GNAI2: variants seen among roughly 807,000 people sequenced by gnomAD.
GNAI2 encodes guanine nucleotide-binding protein G(i) subunit alpha-2.
A neutral mutation model predicts 36.8 loss-of-function variants in GNAI2; 4 were observed. The observed-to-expected ratio is 0.11, with a 90% CI of 0.05 to 0.25. The LOEUF is 0.25. GNAI2 is among the 10% of genes least tolerant of loss of function. GNAI2 has a pLI of 1.00. For synonymous variants in GNAI2, 194 were observed against 194.1 expected (o/e 1.00, Z 0.01); for missense variants, 230 against 481.3 (o/e 0.48, Z 4.89).
intron 1 of GNAI2, among the ~76,000 whole-genome samples, chr3:50,248,959 C>T (rs1700483930): frequency 6.6e-6 from 1 of 152,064 alleles, no homozygotes; most frequent in African/African-American, 2.4e-5. Flanking sequence ...AAGTTTGCAC[C>T]CTCGTCCCTG....
chr3:50,256,411 A>G (rs1432927461), intron 5 of GNAI2, 91 bp downstream of exon 5: 2 of 1,252,394 alleles, frequency 1.6e-6, no homozygotes, highest in South Asian at 1.2e-5. Flanking sequence ...CCCCAGCCCC[A>G]CTGAGGTTTT....
At chr3:50,231,412 G>A (rs1273555898), upstream of GNAI2, among the ~76,000 whole-genome samples, 7 of 152,168 alleles carry the variant, frequency 4.6e-5, no homozygotes, top group Non-Finnish European at 7.3e-5. Flanking sequence ...GCAAGTAGCC[G>A]GGATTACAGG....
At chr3:50,248,574 C>T (rs782647997) in intron 1 of GNAI2, among the ~76,000 whole-genome samples, 10 of 152,100 alleles carry the variant, frequency 6.6e-5, no homozygotes, top group Non-Finnish European at 1.3e-4. Flanking sequence ...GCCTCTGTCC[C>T]GTTGTTCCCC....
In GNAI2 at chr3:50,236,485, T is replaced by G; in HGVS notation, c.118+32T>G. ...CCGCGTCCCGCACTGGGATCCTTGA[T>G]TCCCAGCTCGAATCCCCAGACAAGG... On this transcript the variant is annotated intron_variant, in intron 1 of 8. Transcript: ENST00000313601. The surrounding 1 kb of genome is among the most constrained non-coding windows in gnomAD (Gnocchi z 4.0). 7 of 1,559,440 alleles carry G rather than the reference T, an allele frequency of 4.5e-6. No homozygotes were observed. The highest frequency in any genetic ancestry group is 6.0e-6 in the Non-Finnish European group (7 of 1,158,130).
At chr3:50,247,797 A>G (rs1198650826) in intron 1 of GNAI2, among the ~76,000 whole-genome samples, 3 of 152,244 alleles carry the variant, frequency 2.0e-5, no homozygotes, top group African/African-American at 7.2e-5. Context: ...TGGGAATGCC[A>G]AGGCCACCCC....
At position 50,241,410 on chromosome 3, in the gene GNAI2, C is replaced by G. The variant is rs1201999481; in HGVS notation, c.118+4957C>G. Among the ~76,000 whole-genome samples, 1 of 152,226 alleles carries G rather than the reference C, an allele frequency of 6.6e-6. No homozygotes were observed. Among genetic ancestry groups the G allele is most frequent in the Non-Finnish European group, 1.5e-5 (1 of 68,034 alleles). On this transcript the variant is annotated intron_variant, in intron 1 of 8. Transcript: ENST00000313601. This position sits in a 1 kb window ranked among gnomAD's most constrained non-coding sequence, Gnocchi z 5.0. ...ACTAAGGAGTGAACAGGGGTCCAAG[C>G]TATAGCTGACCCCCTCTGCCTGCAT...
At chr3:50,249,847 C>G (rs1553702198) in intron 1 of GNAI2, among the ~76,000 whole-genome samples, 2 of 152,232 alleles carry the variant, frequency 1.3e-5, no homozygotes, top group Non-Finnish European at 1.5e-5. Context: ...AGGGTGGTCT[C>G]TGGCGTAGGG....
rs189398088 is a variant in GNAI2, at chr3:50,236,668, C to T, written c.118+215C>T. On this transcript the variant is annotated intron_variant, in intron 1 of 8. Coordinates refer to ENST00000313601, the MANE Select transcript of GNAI2 (RefSeq NM_002070.4). This position sits in a 1 kb window ranked among gnomAD's most constrained non-coding sequence, Gnocchi z 4.0. ...CCCCTGTCTCATCCCAGACCCCAGA[C>T]CTCCAAATCCAGTCAACAGTGCCCC... Among the ~76,000 whole-genome samples the T allele has an allele frequency of 8.2e-4, 125 of 152,204 alleles. No homozygotes were observed. Among genetic ancestry groups the T allele is most frequent in the Admixed American group, 1.9e-3 (29 of 15,294 alleles).
At chr3:50,250,584 G>A (rs1700531148) in intron 1 of GNAI2, among the ~76,000 whole-genome samples, 1 of 152,192 alleles carries the variant, frequency 6.6e-6, no homozygotes, top group Non-Finnish European at 1.5e-5. Flanking sequence ...GTCTGGGAAG[G>A]ACAGCAGGGC....
upstream of GNAI2, among the ~76,000 whole-genome samples, chr3:50,235,530 G>A (rs1422482474): frequency 1.3e-5 from 2 of 152,144 alleles, no homozygotes; most frequent in Non-Finnish European, 2.9e-5. Context: ...ATGTTGGCCA[G>A]GCTGGTCTAG....
At position 50,252,011 on chromosome 3, in the gene GNAI2, C is replaced by G. The variant is rs1700569240; in HGVS notation, c.119-89C>G. 8.3e-6 allele frequency: 11 copies of G among 1,321,068 alleles called. No homozygotes were observed. Among genetic ancestry groups the G allele is most frequent in the Non-Finnish European group, 1.2e-5 (11 of 928,610 alleles). 81.8% of individuals were successfully genotyped at this position (1,321,068 alleles called of 1,614,324 possible). On this transcript the variant is annotated intron_variant, in intron 1 of 8. Transcript: ENST00000313601. This position sits in a 1 kb window ranked among gnomAD's most constrained non-coding sequence, Gnocchi z 4.1. ...CAGCTGGTGGGAAGGTTAGTTCTGC[C>G]TCCTGGGCTACAGGTGTCTGGGCAT...
chr3:50,240,916 C>G (rs1654561427), intron 1 of GNAI2, among the ~76,000 whole-genome samples: 1 of 57,588 alleles, frequency 1.7e-5, no homozygotes, highest in Admixed American at 2.2e-4. Flanking sequence ...AAGACTCTGT[C>G]TCAAAAAAAA....
At chr3:50,256,476 T>A (rs1389149504) in intron 5 of GNAI2, 156 bp downstream of exon 5, 2 of 764,088 alleles carry the variant, frequency 2.6e-6, no homozygotes, top group Admixed American at 2.1e-5. Context: ...GAACCAGCAG[T>A]CAGGATCCAC....
chr3:50,255,879 C>G lies in GNAI2; in HGVS notation c.465-313C>G, dbSNP rs1381169353. Among the ~76,000 whole-genome samples the G allele has an allele frequency of 4.0e-5, 6 of 151,630 alleles. No homozygotes were observed. Among genetic ancestry groups the G allele is most frequent in the African/African-American group, 1.5e-4 (6 of 41,270 alleles). ...CATCCTGGCCAACATGGTGAAACCCCGTCTCTACTAAAAATACAAAAATTA... is the reference window on the plus strand; with the variant it reads ...CATCCTGGCCAACATGGTGAAACCCGGTCTCTACTAAAAATACAAAAATTA... On this transcript the variant is annotated intron_variant, in intron 4 of 8. Coordinates refer to ENST00000313601, the MANE Select transcript of GNAI2 (RefSeq NM_002070.4). The surrounding 1 kb of genome is among the most constrained non-coding windows in gnomAD (Gnocchi z 4.0).
intron 1 of GNAI2, among the ~76,000 whole-genome samples, chr3:50,240,416 G>A (rs1553700889): frequency 6.6e-6 from 1 of 152,170 alleles, no homozygotes; most frequent in African/African-American, 2.4e-5. Flanking sequence ...GGCCTGGTGG[G>A]GAAAGGGCCA....
exon 1 of GNAI2, chr3:50,230,918 G>A: frequency 1.0e-6 from 1 of 985,334 alleles, no homozygotes; most frequent in Non-Finnish European, 1.2e-6. Context: ...AAACTGAGAT[G>A]CCCACGATGT....
intron 1 of GNAI2, 147 bp from the exon 2 acceptor site, chr3:50,251,953 C>A: frequency 1.1e-6 from 1 of 896,972 alleles, no homozygotes; most frequent in Non-Finnish European, 1.7e-6. Flanking sequence ...AGCTCAACTG[C>A]CCACCAGGCC....
Position 50,236,695 on chromosome 3 carries a change from A to G in GNAI2, c.118+242A>G, listed in dbSNP as rs1405053281. 7.2e-5 allele frequency among the ~76,000 whole-genome samples: 11 copies of G among 152,024 alleles called. No homozygotes were observed. In the East Asian group the frequency reaches 1.4e-3, roughly 19 times the overall value. ...TCCAAATCCAGTCAACAGTGCCCCA[A>G]CACCCGCGGTCCAGTGCCCTGCTTG... is the stretch of plus-strand genomic sequence containing the variant. On this transcript the variant is annotated intron_variant, in intron 1 of 8. Coordinates refer to ENST00000313601, the MANE Select transcript of GNAI2 (RefSeq NM_002070.4). This position sits in a 1 kb window ranked among gnomAD's most constrained non-coding sequence, Gnocchi z 4.0.
At chr3:50,245,689 C>T (rs183731447) in intron 1 of GNAI2, among the ~76,000 whole-genome samples, 2 of 152,342 alleles carry the variant, frequency 1.3e-5, no homozygotes, top group Non-Finnish European at 2.9e-5. Flanking sequence ...CTGGGGCCTC[C>T]TTTATATCAG....
Sources: allele counts gnomAD v4.1 joint callset (sites outside exome capture counted in the v4.1 genomes callset), GRCh38; gene constraint gnomAD v4.1.1; non-coding constraint Gnocchi (gnomAD v3.1); transcripts MANE v1.5; gene names NCBI Gene and HGNC (gene_info 2026-07-23, HGNC 2026-07-21).